ADARB2: variants seen among roughly 807,000 people sequenced by gnomAD.
ADARB2 encodes the protein adenosine deaminase RNA specific B2 (inactive).
Under a neutral mutation model 62.2 loss-of-function variants are expected in ADARB2, and 25 were observed. The ratio of observed to expected loss-of-function variants is 0.40; its 90% CI spans 0.29 to 0.56. ADARB2 has a LOEUF of 0.56. ADARB2 is among the 20% of genes least tolerant of loss of function. The pLI is 0.43. For missense variants in ADARB2, 1,071 were observed against 1,077.4 expected (o/e 0.99, Z 0.08); for synonymous variants, 572 against 500.8 (o/e 1.14, Z -1.90).
intron 3 of ADARB2, among the ~76,000 whole-genome samples, chr10:1,311,221 G>A (rs190359281): frequency 1.4e-4 from 21 of 152,352 alleles, no homozygotes; most frequent in African/African-American, 5.0e-4. Context: ...CCATGCTGGT[G>A]CCGGTCCTGT....
At chr10:1,703,130 C>T (rs1488081581) in intron 1 of ADARB2, among the ~76,000 whole-genome samples, 2 of 152,112 alleles carry the variant, frequency 1.3e-5, no homozygotes, top group African/African-American at 4.8e-5. Context: ...ACGTGCTACA[C>T]CAGGGGCTCA....
intron 7 of ADARB2, chr10:1,216,686 C>T (rs564083501): frequency 7.8e-5 from 40 of 511,514 alleles, no homozygotes; most frequent in African/African-American, 6.8e-4. Flanking sequence ...CTGGGGTTGC[C>T]GGGCCTTGCT....
At chr10:1,715,805 GCA>G (rs1835009656) in intron 1 of ADARB2, among the ~76,000 whole-genome samples, 1 of 152,248 alleles carries the variant, frequency 6.6e-6, no homozygotes, top group Non-Finnish European at 1.5e-5. Flanking sequence ...CTGCCTTGCA[GCA>G]CAGTTAGGCA....
At chr10:1,263,124 C>A (rs1306056925) in intron 4 of ADARB2, among the ~76,000 whole-genome samples, 2 of 116,816 alleles carry the variant, frequency 1.7e-5, no homozygotes, top group East Asian at 2.5e-4. Flanking sequence ...CACACCGGGG[C>A]CTGTTGTGGG....
chr10:1,445,556 A>C (rs1830960128), intron 1 of ADARB2, among the ~76,000 whole-genome samples: 1 of 152,114 alleles, frequency 6.6e-6, no homozygotes, highest in African/African-American at 2.4e-5. Context: ...TCATCCATCC[A>C]TCTGTCCTTC....
intron 9 of ADARB2, 142 bp from the exon 10 acceptor site, chr10:1,183,511 C>T (rs1372433856): frequency 1.1e-5 from 12 of 1,046,146 alleles, no homozygotes; most frequent in Non-Finnish European, 1.2e-5. Flanking sequence ...GCAACTGTGA[C>T]CAGGTCCTCT....
At chr10:1,252,986 A>G (rs1459265115) in intron 4 of ADARB2, among the ~76,000 whole-genome samples, 1 of 152,218 alleles carries the variant, frequency 6.6e-6, no homozygotes, top group East Asian at 1.9e-4. Context: ...ATGAATGACA[A>G]TACATCTGGG....
At chr10:1,464,482 T>C (rs371636758) in intron 1 of ADARB2, among the ~76,000 whole-genome samples, 1,263 of 16,608 alleles carry the variant, frequency 0.076, 25 homozygotes, top group Non-Finnish European at 0.086. Context: ...CCCACACACG[T>C]GCTGGGGGCA....
At chr10:1,617,521 C>T (rs934202883) in intron 1 of ADARB2, among the ~76,000 whole-genome samples, 5 of 148,920 alleles carry the variant, frequency 3.4e-5, no homozygotes, top group Non-Finnish European at 7.4e-5. Flanking sequence ...TGCTCTGCCT[C>T]CTGGGAACTG....
intron 6 of ADARB2, among the ~76,000 whole-genome samples, chr10:1,218,727 C>A (rs1009157610): frequency 2.6e-5 from 4 of 152,126 alleles, no homozygotes; most frequent in Non-Finnish European, 5.9e-5. Context: ...GTGAATTGTT[C>A]TCATGAGACC....
At chr10:1,497,813 T>C (rs1180963982) in intron 1 of ADARB2, among the ~76,000 whole-genome samples, 1 of 150,546 alleles carries the variant, frequency 6.6e-6, no homozygotes, top group Non-Finnish European at 1.5e-5. Context: ...ACTTTAAGTA[T>C]AAATTCCATA....
At chr10:1,346,764 G>A (rs1832084883) in intron 3 of ADARB2, among the ~76,000 whole-genome samples, 1 of 152,264 alleles carries the variant, frequency 6.6e-6, no homozygotes, top group Admixed American at 6.5e-5. Context: ...TCAGGCGAGG[G>A]CACGTGGGTC....
At position 1,511,867 on chromosome 10, in the gene ADARB2, G is replaced by A. The variant is rs1022891212; in HGVS notation, c.101-132707C>T. ...CGATGCTGTCTACATTAGATACCAA[G>A]ACTTTGATACTGTCTACACTGGATA... On this transcript the variant is annotated intron_variant, in intron 1 of 9. Transcript: ENST00000381312. Among the ~76,000 whole-genome samples, 2 of 151,662 alleles carry A rather than the reference G, an allele frequency of 1.3e-5. 1 individual carries two copies. The highest frequency in any genetic ancestry group is 4.2e-4 in the South Asian group (2 of 4,780).
chr10:1,535,220 A>G (rs1588291689), intron 1 of ADARB2, among the ~76,000 whole-genome samples: 1 of 152,176 alleles, frequency 6.6e-6, no homozygotes, highest in South Asian at 2.1e-4. Flanking sequence ...GTCCCCGGGC[A>G]ACACAGACAT....
chr10:1,582,871 G>T (rs1287382232), intron 1 of ADARB2, among the ~76,000 whole-genome samples: 1 of 152,192 alleles, frequency 6.6e-6, no homozygotes, highest in Non-Finnish European at 1.5e-5. Context: ...TGGTGCCTCT[G>T]CTCAGACCCA....
intron 1 of ADARB2, among the ~76,000 whole-genome samples, chr10:1,666,941 T>C (rs1191701694): frequency 6.6e-6 from 1 of 152,220 alleles, no homozygotes; most frequent in Non-Finnish European, 1.5e-5. Context: ...CATGTCTGTT[T>C]ACGTACTTTC....
intron 1 of ADARB2, among the ~76,000 whole-genome samples, chr10:1,561,512 C>A (rs1832786133): frequency 6.6e-6 from 1 of 152,156 alleles, no homozygotes. Flanking sequence ...ACAAAATGAA[C>A]AAAAGACCAA....
At chr10:1,584,882 T>C (rs1685509075) in intron 1 of ADARB2, among the ~76,000 whole-genome samples, 1 of 152,164 alleles carries the variant, frequency 6.6e-6, no homozygotes, top group African/African-American at 2.4e-5. Flanking sequence ...AGTCCATCTC[T>C]AGGACATTCT....
rs531956206 is a variant in ADARB2 at position 1,592,064 on chromosome 10, G to A, written c.100+144987C>T. On this transcript the variant is annotated intron_variant, in intron 1 of 9. Transcript: ENST00000381312. ...ACCCTGGTTTTCCCCGGATTCTCCT[G>A]TCAGGGTGGGATCCCTTTAGAGTGA... is the stretch of plus-strand genomic sequence containing the variant. Among the ~76,000 whole-genome samples the A allele has an allele frequency of 2.6e-5, 4 of 152,352 alleles. No homozygotes were observed. The South Asian group carries it at 6.2e-4, about 24-fold the overall frequency.
Sources: gnomAD v4.1 joint callset for allele counts (sites outside exome capture counted in the v4.1 genomes callset) on GRCh38, gnomAD v4.1.1 for gene constraint, MANE v1.5 for transcripts, NCBI Gene and HGNC (gene_info 2026-07-23, HGNC 2026-07-21) for gene names.